ZNF185: variants seen among roughly 807,000 people sequenced by gnomAD.
The protein encoded by ZNF185 is zinc finger protein 185.
Under a neutral mutation model 58.6 loss-of-function variants are expected in ZNF185, and 56 were observed. The observed-to-expected ratio is 0.95, with a 90% confidence interval of 0.77 to 1.19. The LOEUF is 1.19. ZNF185 is among the 50% of genes most tolerant of loss of function. The pLI is 0.00. For synonymous variants in ZNF185, 230 were observed against 215.9 expected (o/e 1.07, Z -0.57); for missense variants, 627 against 573.5 (o/e 1.09, Z -0.95).
rs782051124 is a variant in ZNF185, at chrX:152,941,655, C to A, written c.1211+3492C>A. 2.2e-4 allele frequency: 253 copies of A among 1,155,919 alleles called. 2 individuals carry two copies. The Admixed American group carries it at 2.4e-3, about 11-fold the overall frequency. On this transcript the variant is annotated intron_variant, in intron 15 of 22. Transcript: ENST00000449285. ...CTGCGTAGGCCGCCATTTCTTGAAG[C>A]CCCGAACTCGGTCGCAGTGCCCGCC...
At chrX:152,941,915 G>A (rs2047250992) in intron 15 of ZNF185, 2 of 1,036,356 alleles carry the variant, frequency 1.9e-6, no homozygotes, top group Non-Finnish European at 2.5e-6. Flanking sequence ...GTCCCGCGAG[G>A]GGCCGAACGG....
intron 15 of ZNF185, among the ~76,000 whole-genome samples, chrX:152,939,053 C>CTT: frequency 9.0e-6 from 1 of 111,550 alleles, no homozygotes; most frequent in Non-Finnish European, 1.9e-5. Flanking sequence ...AGGAGGGCCA[C>CTT]AGATGGAGCA....
upstream of ZNF185, among the ~76,000 whole-genome samples, chrX:152,911,238 G>A (rs1556861298): frequency 8.9e-6 from 1 of 111,875 alleles, no homozygotes; most frequent in African/African-American, 3.3e-5. Context: ...ATTTCAGGTG[G>A]GCGGACCAGT....
intron 18 of ZNF185, among the ~76,000 whole-genome samples, chrX:152,964,776 AG>A (rs1263552066): frequency 2.8e-5 from 3 of 106,046 alleles, no homozygotes; most frequent in African/African-American, 1.0e-4. Flanking sequence ...TGGGGGCGGG[AG>A]GGGGGCATAT....
the ZNF185 span, among the ~76,000 whole-genome samples, chrX:152,905,722 G>A: frequency 3.7e-5 from 4 of 109,317 alleles, no homozygotes; most frequent in Admixed American, 9.5e-5. Context: ...TTGGGGGGGG[G>A]GCGGGGTCAC....
chrX:152,917,491 T>A, intron 5 of ZNF185, 129 bp downstream of exon 6: 1 of 823,555 alleles, frequency 1.2e-6, no homozygotes, highest in Non-Finnish European at 1.8e-6. Flanking sequence ...TCATCCTGGG[T>A]AGGGCAGGAC....
rs373191813 is a variant in ZNF185 at position 152,919,042 on chromosome X, A to T, written c.491A>T (p.Glu164Val). The change falls in exon 7 of 23, where the codon GAG (glutamate) becomes GTG (valine). Residue 164 changes from glutamate (E) to valine (V), a missense_variant. Transcript: ENST00000449285. Reference sequence around the variant, plus strand: ...GGGGACACCGAGGAGGAGGAGGAGGAGGAGGTGGTGCCATTCTCCTCAGAT... The same window carrying T: ...GGGGACACCGAGGAGGAGGAGGAGGTGGAGGTGGTGCCATTCTCCTCAGAT... 3.6e-5 allele frequency: 44 copies of T among 1,207,872 alleles called. No homozygotes were observed. In the African/African-American group the frequency reaches 7.7e-4, roughly 21 times the overall value.
chrX:152,910,126 T>C (rs782068927), upstream of ZNF185, among the ~76,000 whole-genome samples: 4 of 110,849 alleles, frequency 3.6e-5, no homozygotes, highest in East Asian at 1.1e-3. Context: ...TAGGCTGGTC[T>C]TGAACTCCTG....
intron 16 of ZNF185, among the ~76,000 whole-genome samples, chrX:152,951,453 ATTAT>A (rs2048308024): frequency 8.9e-6 from 1 of 111,848 alleles, no homozygotes; most frequent in Non-Finnish European, 1.9e-5. Context: ...ACATTTTTAA[ATTAT>A]TTGTCATTTT....
chrX:152,922,714 TG>T lies in ZNF185; in HGVS notation c.741-5del. ...CAGAGCCTCTCACAGCCACCTTCTT[TG>T]CCAGTGCGGATGGAGGCAGGACCAA... On this transcript the variant is annotated splice_region_variant and splice_polypyrimidine_tract_variant and intron_variant, in intron 10 of 22. Transcript: ENST00000449285. The T allele has an allele frequency of 8.4e-7, 1 of 1,195,700 alleles. No individual in the cohort carries two copies. Among genetic ancestry groups the T allele is most frequent in the Non-Finnish European group, 1.1e-6 (1 of 887,250 alleles).
At chrX:152,937,337 G>A (rs782302923) in intron 14 of ZNF185, among the ~76,000 whole-genome samples, 7 of 111,873 alleles carry the variant, frequency 6.3e-5, no homozygotes, top group Middle Eastern at 4.6e-3. Flanking sequence ...CTCTCACACC[G>A]TCTGCCCTGT....
At chrX:152,956,281 A>G (rs1431476676) in intron 16 of ZNF185, among the ~76,000 whole-genome samples, 2 of 112,154 alleles carry the variant, frequency 1.8e-5, no homozygotes, top group Non-Finnish European at 3.8e-5. Flanking sequence ...AGAATGAGCT[A>G]GACGAAGAGT....
At chrX:152,901,940 G>A in the ZNF185 span, among the ~76,000 whole-genome samples, 1 of 111,868 alleles carries the variant, frequency 8.9e-6, no homozygotes, top group Admixed American at 9.4e-5. Flanking sequence ...ACTGCCGAAG[G>A]GTCCCAGAGG....
intron 19 of ZNF185, among the ~76,000 whole-genome samples, chrX:152,966,471 G>A (rs1000618204): frequency 4.5e-5 from 5 of 111,101 alleles, no homozygotes; most frequent in Admixed American, 9.5e-5. Flanking sequence ...GGGGCTTCTG[G>A]ACTGGCTTTT....
At chrX:152,965,230 G>T (rs1214281560) in intron 18 of ZNF185, among the ~76,000 whole-genome samples, 1 of 112,131 alleles carries the variant, frequency 8.9e-6, no homozygotes. Context: ...CCTTTCTGGG[G>T]CCCTCAGTCC....
At chrX:152,909,376 G>T in the ZNF185 span, among the ~76,000 whole-genome samples, 45 of 112,551 alleles carry the variant, frequency 4.0e-4, no homozygotes, top group African/African-American at 1.2e-3. Context: ...CTGGACGTGA[G>T]CCTCGTGAGC....
At chrX:152,909,979 C>T (rs962678716), upstream of ZNF185, among the ~76,000 whole-genome samples, 7 of 105,431 alleles carry the variant, frequency 6.6e-5, no homozygotes, top group Non-Finnish European at 1.2e-4. Flanking sequence ...GCGATCTCAG[C>T]TCACTGCAAC....
intron 16 of ZNF185, among the ~76,000 whole-genome samples, chrX:152,953,166 TC>T (rs1556901543): frequency 9.0e-6 from 1 of 110,751 alleles, no homozygotes; most frequent in African/African-American, 3.3e-5. Flanking sequence ...TTGGAGTAAA[TC>T]TCCACTCAAA....
At chrX:152,929,016 C>G (rs1309167534) in intron 12 of ZNF185, among the ~76,000 whole-genome samples, 1 of 111,779 alleles carries the variant, frequency 8.9e-6, no homozygotes, top group East Asian at 2.8e-4. Context: ...TGGGAAGTGA[C>G]AGCTCAACCC....
Sources: allele counts gnomAD v4.1 joint callset (sites outside exome capture counted in the v4.1 genomes callset), GRCh38; gene constraint gnomAD v4.1.1; transcripts MANE v1.5; gene names NCBI Gene and HGNC (gene_info 2026-07-23, HGNC 2026-07-21).